The following SLC4A10 variants were observed in gnomAD, a reference collection of about 807,000 sequenced individuals.
SLC4A10 encodes solute carrier family 4 member 10.
A neutral mutation model predicts 137.7 loss-of-function variants in SLC4A10; 42 were observed. The observed-to-expected ratio is 0.30, with a 90% CI of 0.24 to 0.39. The LOEUF is 0.39. SLC4A10 is among the 10% of genes least tolerant of loss of function. The pLI is 1.00. For missense variants in SLC4A10, 925 were observed against 1,355.0 expected, an observed-to-expected ratio of 0.68 and a Z score of 4.98; for synonymous variants, 474 against 464.1, an observed-to-expected ratio of 1.02 and a Z score of -0.27.
chr2:161,834,572 A>G (rs2058642456), intron 3 of SLC4A10, among the ~76,000 whole-genome samples: 1 of 151,972 alleles, frequency 6.6e-6, no homozygotes. Context: ...ATTCTTCATC[A>G]GATGTCTCTG....
chr2:161,850,593 C>T (rs1473405313), intron 4 of SLC4A10, among the ~76,000 whole-genome samples: 3 of 151,856 alleles, frequency 2.0e-5, no homozygotes, highest in Non-Finnish European at 2.9e-5. Context: ...TTATCTTTAT[C>T]TTCTCCCTTT....
Position 161,945,216 on chromosome 2 carries a change from A to G in SLC4A10, c.2103+2319A>G, listed in dbSNP as rs1000617272. Among the ~76,000 whole-genome samples, 50 of 85,368 alleles carry G rather than the reference A, an allele frequency of 5.9e-4. 2 individuals are homozygous for G. The highest frequency in any genetic ancestry group is 1.7e-3 in the African/African-American group (46 of 27,820). The allele number at this position is 85,368 out of a possible 152,430, so 56.0% of individuals were successfully genotyped here. A position where few individuals can be genotyped will look rare whatever the true frequency, so the allele number is the denominator to read the frequency against. ...TATATATATATATATATATATATAT[A>G]TATATATATATATATATATTTGTCA... On this transcript the variant is annotated intron_variant, in intron 16 of 26. Transcript: ENST00000446997.
chr2:161,765,636 A>G (rs973557034), intron 1 of SLC4A10, among the ~76,000 whole-genome samples: 2 of 150,536 alleles, frequency 1.3e-5, no homozygotes, highest in African/African-American at 2.4e-5. Context: ...GTGTATCCTG[A>G]TGGTGTACAA....
At chr2:161,839,401 G>T (rs946404113) in intron 3 of SLC4A10, among the ~76,000 whole-genome samples, 6 of 152,066 alleles carry the variant, frequency 3.9e-5, no homozygotes, top group African/African-American at 9.7e-5. Context: ...ATTTTATCAT[G>T]ATCTACTCTT....
At chr2:161,879,534 G>A (rs1479180643) in intron 9 of SLC4A10, among the ~76,000 whole-genome samples, 3 of 146,832 alleles carry the variant, frequency 2.0e-5, no homozygotes, top group Non-Finnish European at 4.5e-5. Flanking sequence ...GTACCCTGAA[G>A]CCATATGAAT....
At chr2:161,834,483 C>A (rs2058636935) in intron 3 of SLC4A10, among the ~76,000 whole-genome samples, 1 of 152,114 alleles carries the variant, frequency 6.6e-6, no homozygotes, top group African/African-American at 2.4e-5. Flanking sequence ...CCTGGAGCCT[C>A]CCACATAAAG....
chr2:161,698,751 TA>T (rs2042818246), intron 1 of SLC4A10, among the ~76,000 whole-genome samples: 1 of 152,198 alleles, frequency 6.6e-6, no homozygotes. Context: ...TCATCAGGGA[TA>T]TTGGTGTAAA....
chr2:161,714,805 G>A (rs1034993662), intron 1 of SLC4A10, among the ~76,000 whole-genome samples: 2 of 151,798 alleles, frequency 1.3e-5, no homozygotes, highest in East Asian at 1.9e-4. Context: ...TGTGAAATGA[G>A]GACACTAATA....
chr2:161,975,392 C>T (rs1699230876), intron 24 of SLC4A10, among the ~76,000 whole-genome samples: 1 of 152,018 alleles, frequency 6.6e-6, no homozygotes, highest in South Asian at 2.1e-4. Context: ...TGCATATTAG[C>T]AAATGAAACA....
At chr2:161,956,040 T>C (rs1047815578) in intron 19 of SLC4A10, among the ~76,000 whole-genome samples, 4 of 152,218 alleles carry the variant, frequency 2.6e-5, no homozygotes, top group African/African-American at 9.6e-5. Context: ...TTATCTGATC[T>C]TAAGAAACAT....
intron 10 of SLC4A10, among the ~76,000 whole-genome samples, chr2:161,893,556 A>G (rs1204129313): frequency 6.6e-6 from 1 of 151,946 alleles, no homozygotes; most frequent in African/African-American, 2.4e-5. Context: ...AAAATTAGCC[A>G]GGTTTTGTGG....
At chr2:161,885,746 T>C (rs1321290023) in intron 10 of SLC4A10, among the ~76,000 whole-genome samples, 1 of 152,196 alleles carries the variant, frequency 6.6e-6, no homozygotes, top group Non-Finnish European at 1.5e-5. Flanking sequence ...GATATGTTGG[T>C]ATTTACCATA....
At chr2:161,794,522 T>C (rs375070159) in intron 2 of SLC4A10, among the ~76,000 whole-genome samples, 2 of 152,136 alleles carry the variant, frequency 1.3e-5, no homozygotes, top group African/African-American at 4.8e-5. Context: ...ATGGCCCTTC[T>C]GTATTGAATA....
At chr2:161,760,632 A>G (rs1209939223) in intron 1 of SLC4A10, among the ~76,000 whole-genome samples, 6 of 152,044 alleles carry the variant, frequency 3.9e-5, no homozygotes, top group Admixed American at 1.3e-4. Context: ...AGCCCAGCAA[A>G]GATTCATTTA....
At chr2:161,823,938 A>G (rs2057833227) in intron 3 of SLC4A10, among the ~76,000 whole-genome samples, 1 of 152,228 alleles carries the variant, frequency 6.6e-6, no homozygotes, top group East Asian at 1.9e-4. Context: ...TACTAACCCT[A>G]GATCCTTGAA....
At chr2:161,839,638 G>T (rs915506910) in intron 3 of SLC4A10, 151 bp from the exon 4 acceptor site, 4 of 665,530 alleles carry the variant, frequency 6.0e-6, no homozygotes, top group South Asian at 3.4e-5. Context: ...TCCTGAGTTT[G>T]ATTTGGATGA....
At chr2:161,642,236 A>G (rs564147814) in intron 1 of SLC4A10, among the ~76,000 whole-genome samples, 1 of 152,112 alleles carries the variant, frequency 6.6e-6, no homozygotes, top group South Asian at 2.1e-4. Flanking sequence ...TTTGATTTCA[A>G]ATAGACCAAA....
intron 16 of SLC4A10, 149 bp downstream of exon 16, chr2:161,943,046 A>T (rs1275716821): frequency 3.2e-6 from 2 of 630,506 alleles, no homozygotes; most frequent in Non-Finnish European, 5.5e-6. Context: ...TCAGATGCTC[A>T]TCAGTAAACT....
intron 6 of SLC4A10, among the ~76,000 whole-genome samples, chr2:161,871,693 T>C (rs2061137683): frequency 6.6e-6 from 1 of 152,056 alleles, no homozygotes; most frequent in Non-Finnish European, 1.5e-5. Context: ...GCTTATATAA[T>C]AGAATAGTCA....
Sources: gnomAD v4.1 joint callset for allele counts (sites outside exome capture counted in the v4.1 genomes callset) on GRCh38, gnomAD v4.1.1 for gene constraint, MANE v1.5 for transcripts, NCBI Gene and HGNC (gene_info 2026-07-23, HGNC 2026-07-21) for gene names.